FSTL4: variants seen among roughly 807,000 people sequenced by gnomAD.
FSTL4 encodes the protein follistatin-related protein 4.
FSTL4 carries 28 observed loss-of-function variants against 78.2 expected under a neutral mutation model. That is an observed-to-expected ratio of 0.36 (90% CI 0.27 to 0.49). The LOEUF (loss-of-function observed/expected upper bound fraction) is 0.49. Among genes scored for constraint, FSTL4 ranks in the 20% least tolerant of loss-of-function variants. The pLI, the probability that FSTL4 is intolerant of heterozygous loss-of-function variation, is 0.98. For synonymous variants in FSTL4, 422 were observed against 440.5 expected (o/e 0.96, Z 0.53); for missense variants, 922 against 1,084.9 (o/e 0.85, Z 2.11).
chr5:133,391,914 G>T (rs1755859810), intron 4 of FSTL4, among the ~76,000 whole-genome samples: 1 of 152,142 alleles, frequency 6.6e-6, no homozygotes, highest in South Asian at 2.1e-4. Context: ...TTTACTGTTT[G>T]TTTCTCCCAC....
chr5:133,251,584 C>T (rs537715855), intron 6 of FSTL4, among the ~76,000 whole-genome samples: 38 of 152,140 alleles, frequency 2.5e-4, no homozygotes, highest in Admixed American at 1.3e-4. Flanking sequence ...TCTTACCCCT[C>T]CCTAATTCCC....
At position 133,225,511 on chromosome 5, in the gene FSTL4, C is replaced by T; in HGVS notation, c.1177+147G>A. The T allele has an allele frequency of 1.2e-6, 1 of 861,786 alleles. No individual in the cohort carries two copies. The highest frequency in any genetic ancestry group is 1.8e-6 in the Non-Finnish European group (1 of 547,282). The allele number at this position is 861,786 out of a possible 1,614,324, so 53.4% of individuals were successfully genotyped here. ...AAAGCCCCAAAAGATCTGTGTGAGC[C>T]CAGATAACAGGGAAATTTGGGAGCC... On this transcript the variant is annotated intron_variant, in intron 9 of 15. Transcript: ENST00000265342. The surrounding 1 kb of genome is among the most constrained non-coding windows in gnomAD (Gnocchi z 4.6).
At chr5:133,581,941 G>A (rs1288683584) in intron 2 of FSTL4, among the ~76,000 whole-genome samples, 2 of 152,244 alleles carry the variant, frequency 1.3e-5, no homozygotes, top group African/African-American at 4.8e-5. Flanking sequence ...GCAGGTGCCA[G>A]TGGGCTGGCA....
At chr5:133,683,948 G>A in the FSTL4 span, among the ~76,000 whole-genome samples, 40 of 152,046 alleles carry the variant, frequency 2.6e-4, 2 homozygotes, top group Non-Finnish European at 3.7e-4. Flanking sequence ...AATTGCTGCT[G>A]CGTGTAGCTC....
the FSTL4 span, among the ~76,000 whole-genome samples, chr5:133,811,926 T>G: frequency 6.6e-6 from 1 of 152,202 alleles, no homozygotes; most frequent in African/African-American, 2.4e-5. Flanking sequence ...TAATGTAAGC[T>G]TTAGCTCAAC....
the FSTL4 span, among the ~76,000 whole-genome samples, chr5:133,715,940 C>T: frequency 1.3e-5 from 2 of 152,304 alleles, no homozygotes; most frequent in South Asian, 2.1e-4. Flanking sequence ...ATTGAGTATC[C>T]TCATTGTGCT....
the FSTL4 span, among the ~76,000 whole-genome samples, chr5:133,756,665 G>C: frequency 6.6e-6 from 1 of 152,142 alleles, no homozygotes; most frequent in East Asian, 1.9e-4. Flanking sequence ...ATGGAGGTGG[G>C]GGAGGAGGGT....
the FSTL4 span, among the ~76,000 whole-genome samples, chr5:133,700,768 T>C: frequency 6.6e-6 from 1 of 152,224 alleles, no homozygotes; most frequent in African/African-American, 2.4e-5. Context: ...GGGTAACACA[T>C]GACCTACCTC....
At chr5:133,839,152 A>G in the FSTL4 span, among the ~76,000 whole-genome samples, 1 of 152,184 alleles carries the variant, frequency 6.6e-6, no homozygotes, top group Non-Finnish European at 1.5e-5. Context: ...CCATCTTCTC[A>G]GAGACCCAGT....
rs59634629 is a variant in FSTL4 at position 133,274,380 on chromosome 5, C to CTT, written c.728-24806_728-24805dup. ...ATTCTCAGAAAAAGGGCAATCTGTG[C>CTT]TTTTTTTTTTTTTTTTAGGAGAACA... On this transcript the variant is annotated intron_variant, in intron 6 of 15. Transcript: ENST00000265342. Among the ~76,000 whole-genome samples, 62 of 71,022 alleles carry CTT rather than the reference C, an allele frequency of 8.7e-4. 5 individuals are homozygous for CTT. Among genetic ancestry groups the CTT allele is most frequent in the Admixed American group, 3.2e-3 (13 of 4,078 alleles). The allele number at this position is 71,022 out of a possible 152,430, so 46.6% of individuals were successfully genotyped here.
At chr5:133,289,988 G>A (rs1561658515) in intron 6 of FSTL4, among the ~76,000 whole-genome samples, 2 of 152,210 alleles carry the variant, frequency 1.3e-5, no homozygotes, top group Non-Finnish European at 2.9e-5. Context: ...CTGAGAGTGT[G>A]CCGGGAGTGA....
intron 6 of FSTL4, among the ~76,000 whole-genome samples, chr5:133,276,314 C>T (rs562180246): frequency 1.6e-4 from 24 of 152,266 alleles, no homozygotes; most frequent in African/African-American, 4.8e-4. Flanking sequence ...GGAGGGCACG[C>T]GTAGGTGGCT....
the FSTL4 span, among the ~76,000 whole-genome samples, chr5:133,783,534 T>C: frequency 6.6e-6 from 1 of 152,210 alleles, no homozygotes; most frequent in Non-Finnish European, 1.5e-5. Context: ...GCCTTCATCA[T>C]AGTGGAAAAC....
intron 5 of FSTL4, 51 bp downstream of exon 5, chr5:133,316,408 T>C (rs775614890): frequency 2.0e-6 from 3 of 1,465,104 alleles, no homozygotes; most frequent in Non-Finnish European, 2.8e-6. Context: ...GGGTGGGAAA[T>C]GGAAAACTGG....
At chr5:133,354,313 G>A (rs1754896376) in intron 4 of FSTL4, among the ~76,000 whole-genome samples, 2 of 152,220 alleles carry the variant, frequency 1.3e-5, no homozygotes, top group Non-Finnish European at 2.9e-5. Context: ...CGACAGAGGA[G>A]CGCACAATCC....
At chr5:133,403,504 G>C (rs78796419) in intron 3 of FSTL4, among the ~76,000 whole-genome samples, 1 of 152,172 alleles carries the variant, frequency 6.6e-6, no homozygotes, top group Non-Finnish European at 1.5e-5. Context: ...GTATACTCAG[G>C]TTTTAAGAAA....
intron 4 of FSTL4, among the ~76,000 whole-genome samples, chr5:133,340,379 T>G (rs559613250): frequency 1.1e-3 from 173 of 152,184 alleles, no homozygotes; most frequent in African/African-American, 3.9e-3. Context: ...AGAGGAAACC[T>G]CCAGGGGTTT....
intron 4 of FSTL4, among the ~76,000 whole-genome samples, chr5:133,386,633 T>A (rs1580668775): frequency 6.6e-6 from 1 of 152,148 alleles, no homozygotes; most frequent in South Asian, 2.1e-4. Flanking sequence ...GCTAGGAGAA[T>A]GTTTATTGAG....
intron 6 of FSTL4, among the ~76,000 whole-genome samples, chr5:133,267,248 C>A (rs561663175): frequency 7.2e-5 from 11 of 152,222 alleles, no homozygotes; most frequent in African/African-American, 1.9e-4. Context: ...CAGGACAGGC[C>A]CAACACCTGC....
Sources: allele counts gnomAD v4.1 joint callset (sites outside exome capture counted in the v4.1 genomes callset), GRCh38; gene constraint gnomAD v4.1.1; non-coding constraint Gnocchi (gnomAD v3.1); transcripts MANE v1.5; gene names NCBI Gene and HGNC (gene_info 2026-07-23, HGNC 2026-07-21).